UBE3D: variants seen among roughly 807,000 people sequenced by gnomAD.
The protein encoded by UBE3D is E3 ubiquitin-protein ligase E3D.
A neutral mutation model predicts 49.6 loss-of-function variants in UBE3D; 48 were observed. That is an observed-to-expected ratio of 0.97 (90% CI 0.77 to 1.23). The LOEUF is 1.23. Among genes scored for constraint, UBE3D ranks in the 50% most tolerant of loss-of-function variants. UBE3D has a pLI of 0.00. For synonymous variants in UBE3D, 189 were observed against 174.2 expected, an observed-to-expected ratio of 1.08 and a Z score of -0.67; for missense variants, 452 against 468.4, an observed-to-expected ratio of 0.96 and a Z score of 0.32.
chr6:83,012,621 TACAAATATCTTC>T (rs1780421656), intron 8 of UBE3D, among the ~76,000 whole-genome samples: 1 of 152,238 alleles, frequency 6.6e-6, no homozygotes. Flanking sequence ...TCACATGGGA[TACAAATATCTTC>T]ACAGTTTTTG....
the UBE3D span, among the ~76,000 whole-genome samples, chr6:82,884,677 A>G: frequency 6.6e-6 from 1 of 152,212 alleles, no homozygotes; most frequent in East Asian, 1.9e-4. Context: ...TAACATAGTC[A>G]ACAACTTCTT....
intron 8 of UBE3D, among the ~76,000 whole-genome samples, chr6:82,970,023 C>T (rs1034469914): frequency 2.0e-5 from 3 of 149,592 alleles, no homozygotes; most frequent in African/African-American, 7.3e-5. Context: ...TGAAATGTAA[C>T]GTATTTCTAT....
chr6:82,919,597 AAAAATAAAAT>A (rs542751258), intron 9 of UBE3D, among the ~76,000 whole-genome samples: 4 of 151,882 alleles, frequency 2.6e-5, no homozygotes, highest in South Asian at 2.1e-4. Flanking sequence ...CTCAGTCTCA[AAAAATAAAAT>A]AAAATAAAAT....
rs70987730 is a variant in UBE3D at position 83,025,882 on chromosome 6, T to TAAAAAAAA, written c.668-1852_668-1845dup. On this transcript the variant is annotated intron_variant, in intron 5 of 9. Coordinates refer to ENST00000369747, the MANE Select transcript of UBE3D (RefSeq NM_198920.3). The stretch of plus-strand genomic sequence containing the variant: ...TGGGCGACAGAACGTGACTCCATCT[T>TAAAAAAAA]AAAAAAAAAAAAAAAAAAAAAAAGA... Among the ~76,000 whole-genome samples, 8 of 90,320 alleles carry TAAAAAAAA rather than the reference T, an allele frequency of 8.9e-5. 1 individual carries two copies. The highest frequency in any genetic ancestry group is 1.0e-4 in the Non-Finnish European group (5 of 47,912). The allele number at this position is 90,320 out of a possible 152,430, so 59.3% of individuals were successfully genotyped here.
rs140552378 is a variant in UBE3D at position 82,910,114 on chromosome 6, G to A, written c.1150-17072C>T. Among the ~76,000 whole-genome samples, 6 of 152,238 alleles carry A rather than the reference G, an allele frequency of 3.9e-5. No individual in the cohort carries two copies. The East Asian group carries it at 9.7e-4, about 25-fold the overall frequency. On this transcript the variant is annotated intron_variant, in intron 9 of 9. Coordinates refer to ENST00000369747, the MANE Select transcript of UBE3D (RefSeq NM_198920.3). ...TGGTGATTTTAAATTCCCACACTTT[G>A]CCTGTGACACAGTCCACACACACAG...
rs190021084 is a variant in UBE3D at position 82,966,374 on chromosome 6, G to T, written c.1011-8924C>A. 1.2e-4 allele frequency among the ~76,000 whole-genome samples: 9 copies of T among 72,154 alleles called. 1 individual carries two copies. In the South Asian group the frequency reaches 3.4e-3, roughly 27 times the overall value. 47.3% of individuals were successfully genotyped at this position (72,154 alleles called of 152,430 possible). On this transcript the variant is annotated intron_variant, in intron 8 of 9. Transcript: ENST00000369747. Reference sequence around the variant, plus strand: ...TATACTTAAAAACCACTGAGGGCCGGGCGCGGTGGCTCACGCCTGTAATCC... The same window carrying T: ...TATACTTAAAAACCACTGAGGGCCGTGCGCGGTGGCTCACGCCTGTAATCC...
At chr6:82,975,192 T>G (rs2127711654) in intron 8 of UBE3D, among the ~76,000 whole-genome samples, 1 of 152,272 alleles carries the variant, frequency 6.6e-6, no homozygotes, top group South Asian at 2.1e-4. Flanking sequence ...TGCTTCCTAA[T>G]TACTTACAAT....
At chr6:82,930,682 C>G (rs997012295) in intron 9 of UBE3D, among the ~76,000 whole-genome samples, 1 of 152,158 alleles carries the variant, frequency 6.6e-6, no homozygotes, top group African/African-American at 2.4e-5. Flanking sequence ...CATTTTGCCC[C>G]TGACTTAGAG....
chr6:83,022,752 C>T (rs45586638), intron 6 of UBE3D, among the ~76,000 whole-genome samples, 191 bp from the exon 7 acceptor site: 4,049 of 152,308 alleles, frequency 0.027, 74 homozygotes, highest in Non-Finnish European at 0.042. Flanking sequence ...TTCAGGTTTG[C>T]TCCATTCTTC....
At chr6:83,063,138 C>T in intron 1 of UBE3D, 1 of 271,012 alleles carries the variant, frequency 3.7e-6, no homozygotes, top group Non-Finnish European at 7.3e-6. Flanking sequence ...CGAGGCAGGG[C>T]ATGGTGGCTC....
chr6:83,022,373 G>GA, intron 7 of UBE3D, 80 bp downstream of exon 7: 1 of 953,098 alleles, frequency 1.0e-6, no homozygotes, highest in Non-Finnish European at 1.5e-6. Flanking sequence ...TGAGAATTAA[G>GA]AAAAAAGGAT....
chr6:83,062,680 T>A (rs1358188410), intron 1 of UBE3D, among the ~76,000 whole-genome samples: 1 of 152,232 alleles, frequency 6.6e-6, no homozygotes, highest in Non-Finnish European at 1.5e-5. Flanking sequence ...CATACAGTTT[T>A]ATGCTATTTT....
At chr6:82,990,174 G>A (rs1352472709) in intron 8 of UBE3D, among the ~76,000 whole-genome samples, 1 of 152,134 alleles carries the variant, frequency 6.6e-6, no homozygotes, top group Non-Finnish European at 1.5e-5. Context: ...TCCCTCATGT[G>A]GCTGAAGTTG....
chr6:82,891,650 A>C (rs1770980358), downstream of UBE3D, among the ~76,000 whole-genome samples: 1 of 152,236 alleles, frequency 6.6e-6, no homozygotes, highest in Non-Finnish European at 1.5e-5. Flanking sequence ...TGCTAGTAAG[A>C]CAAATGTTTT....
At chr6:82,998,798 T>C (rs1047716995) in intron 8 of UBE3D, among the ~76,000 whole-genome samples, 1 of 152,226 alleles carries the variant, frequency 6.6e-6, no homozygotes, top group Non-Finnish European at 1.5e-5. Flanking sequence ...ACTATAATAA[T>C]ACTTAATACA....
chr6:82,965,007 T>G (rs1248606264), intron 8 of UBE3D, among the ~76,000 whole-genome samples: 1 of 152,220 alleles, frequency 6.6e-6, no homozygotes, highest in Admixed American at 6.5e-5. Context: ...AATTGGTCTT[T>G]AATTCTCTTT....
At chr6:82,901,078 T>A (rs1163554143) in intron 9 of UBE3D, among the ~76,000 whole-genome samples, 1 of 152,194 alleles carries the variant, frequency 6.6e-6, no homozygotes, top group Non-Finnish European at 1.5e-5. Context: ...CACTTAGGGA[T>A]AACTACTATT....
intron 5 of UBE3D, among the ~76,000 whole-genome samples, chr6:83,025,381 A>G (rs1389914677): frequency 2.6e-5 from 4 of 152,260 alleles, no homozygotes; most frequent in Non-Finnish European, 4.4e-5. Flanking sequence ...TTCTAAAAAA[A>G]TCTAAGAAAA....
intron 9 of UBE3D, among the ~76,000 whole-genome samples, chr6:82,898,093 G>T (rs1309342228): frequency 6.6e-6 from 1 of 151,778 alleles, no homozygotes; most frequent in African/African-American, 2.4e-5. Flanking sequence ...CATCATCACT[G>T]GTCATTAGAG....
Sources: gnomAD v4.1 joint callset for allele counts (sites outside exome capture counted in the v4.1 genomes callset) on GRCh38, gnomAD v4.1.1 for gene constraint, MANE v1.5 for transcripts, NCBI Gene and HGNC (gene_info 2026-07-23, HGNC 2026-07-21) for gene names.